The following PDE4D variants were observed in gnomAD, a reference collection of about 807,000 sequenced individuals.
The protein encoded by PDE4D is 3',5'-cyclic-AMP phosphodiesterase 4D.
In PDE4D, 24 loss-of-function variants were observed where a neutral mutation model predicts 87.4. The observed-to-expected ratio is 0.27, with a 90% CI of 0.20 to 0.39. The LOEUF (loss-of-function observed/expected upper bound fraction) is 0.39. Among genes scored for constraint, PDE4D ranks in the 10% least tolerant of loss-of-function variants. The probability of loss-of-function intolerance (pLI) is 1.00; values close to 1 mark genes in which losing one functional copy is unlikely to be tolerated. For missense variants in PDE4D, 714 were observed against 1,041.0 expected (o/e 0.69, Z 4.32); for synonymous variants, 384 against 383.2 (o/e 1.00, Z -0.02).
At chr5:59,609,378 A>ACACG (rs1828678502) in intron 1 of PDE4D, among the ~76,000 whole-genome samples, 1 of 3,466 alleles carries the variant, frequency 2.9e-4, no homozygotes, top group Admixed American at 5.4e-3. Flanking sequence ...TTGTATATGT[A>ACACG]CACACACACA....
At chr5:60,494,375 G>A (rs898866728) in intron 1 of PDE4D, among the ~76,000 whole-genome samples, 12 of 152,150 alleles carry the variant, frequency 7.9e-5, no homozygotes, top group Non-Finnish European at 1.0e-4. Context: ...GTGCCACTGA[G>A]CCTCACCACC....
chr5:59,988,536 G>A, exon 3 of PDE4D: 3 of 1,599,262 alleles, frequency 1.9e-6, no homozygotes, highest in South Asian at 2.2e-5. Context: ...AATCTTCAGG[G>A]GGAGGCTGGT....
intron 1 of PDE4D, among the ~76,000 whole-genome samples, chr5:59,311,511 A>C (rs1561933556): frequency 6.7e-6 from 1 of 149,970 alleles, no homozygotes; most frequent in Non-Finnish European, 1.5e-5. Context: ...AAAAAAAAAA[A>C]AAAAAAAAAA....
At chr5:59,409,401 G>A (rs6870927) in intron 1 of PDE4D, among the ~76,000 whole-genome samples, 26,169 of 152,042 alleles carry the variant, frequency 0.17, 3,044 homozygotes, top group African/African-American at 0.32. Context: ...GGCCAAGGGC[G>A]GAATGATACA....
intron 5 of PDE4D, among the ~76,000 whole-genome samples, chr5:59,133,603 G>T (rs889268261): frequency 6.6e-6 from 1 of 152,162 alleles, no homozygotes; most frequent in African/African-American, 2.4e-5. Flanking sequence ...GGTCCTGTTT[G>T]TGGCCTCCCC....
intron 1 of PDE4D, among the ~76,000 whole-genome samples, chr5:59,832,275 A>C (rs1397987386): frequency 6.6e-6 from 1 of 152,108 alleles, no homozygotes; most frequent in Non-Finnish European, 1.5e-5. Flanking sequence ...CTTTCGTTTG[A>C]TTCTGCCAGA....
intron 1 of PDE4D, among the ~76,000 whole-genome samples, chr5:59,353,417 T>C (rs759585014): frequency 7.2e-5 from 11 of 152,048 alleles, no homozygotes; most frequent in Non-Finnish European, 1.3e-4. Context: ...CTCCACATTG[T>C]TTTCTTGAGC....
intron 1 of PDE4D, among the ~76,000 whole-genome samples, chr5:59,744,775 T>C (rs1759363438): frequency 6.6e-6 from 1 of 152,204 alleles, no homozygotes; most frequent in Non-Finnish European, 1.5e-5. Context: ...CATTGGGTCA[T>C]AATAATAGTA....
At chr5:59,460,852 T>A (rs2153646005) in intron 1 of PDE4D, among the ~76,000 whole-genome samples, 1 of 152,292 alleles carries the variant, frequency 6.6e-6, no homozygotes, top group South Asian at 2.1e-4. Flanking sequence ...GCAAGAGGCA[T>A]GATGCAGGGT....
chr5:59,802,396 C>CTTTT (rs60356253), intron 1 of PDE4D, among the ~76,000 whole-genome samples: 13 of 110,384 alleles, frequency 1.2e-4, no homozygotes, highest in Non-Finnish European at 1.4e-4. Flanking sequence ...CTTCCATATT[C>CTTTT]TTTTTTTTTT....
intron 5 of PDE4D, among the ~76,000 whole-genome samples, chr5:59,077,591 C>G (rs77994712): frequency 0.037 from 5,675 of 151,984 alleles, 181 homozygotes; most frequent in Non-Finnish European, 0.061. Flanking sequence ...CATCAGCCCC[C>G]TGAGTAGCTG....
chr5:59,405,359 G>C (rs1355554261), intron 1 of PDE4D, among the ~76,000 whole-genome samples: 1 of 152,072 alleles, frequency 6.6e-6, no homozygotes, highest in African/African-American at 2.4e-5. Flanking sequence ...TTACATTCTT[G>C]ATTTCTTTTT....
chr5:60,019,886 A>C (rs931537784), intron 2 of PDE4D, among the ~76,000 whole-genome samples: 1 of 152,068 alleles, frequency 6.6e-6, no homozygotes, highest in Non-Finnish European at 1.5e-5. Flanking sequence ...GAACTTCAAG[A>C]ACTTTTATTT....
At chr5:59,717,378 T>C (rs550180340) in intron 1 of PDE4D, among the ~76,000 whole-genome samples, 1 of 152,192 alleles carries the variant, frequency 6.6e-6, no homozygotes, top group Non-Finnish European at 1.5e-5. Flanking sequence ...GAGCACCCCA[T>C]GTAAATTACC....
intron 2 of PDE4D, among the ~76,000 whole-genome samples, chr5:60,010,123 G>A (rs1300585027): frequency 2.0e-5 from 3 of 152,050 alleles, no homozygotes; most frequent in East Asian, 3.9e-4. Flanking sequence ...CATAAGTGGG[G>A]AGAATTCACT....
At chr5:59,271,659 T>C (rs1490369974) in intron 1 of PDE4D, among the ~76,000 whole-genome samples, 1 of 152,032 alleles carries the variant, frequency 6.6e-6, no homozygotes, top group Middle Eastern at 3.2e-3. Context: ...TTGGTCAGAG[T>C]TGCAAGAAAA....
intron 2 of PDE4D, among the ~76,000 whole-genome samples, chr5:60,055,802 T>C (rs550546248): frequency 2.0e-4 from 31 of 152,184 alleles, no homozygotes; most frequent in Non-Finnish European, 4.3e-4. Context: ...ACCACTACCA[T>C]ATCCACTCTC....
At chr5:60,408,090 A>G (rs1741722887) in intron 1 of PDE4D, among the ~76,000 whole-genome samples, 1 of 152,134 alleles carries the variant, frequency 6.6e-6, no homozygotes, top group Admixed American at 6.5e-5. Context: ...CATCCTGATC[A>G]CCAGACATGT....
At chr5:59,125,578 G>A (rs555750876) in intron 5 of PDE4D, among the ~76,000 whole-genome samples, 1 of 152,252 alleles carries the variant, frequency 6.6e-6, no homozygotes, top group South Asian at 2.1e-4. Context: ...ATTAAGGCCT[G>A]GGAAGATTCC....
Sources: allele counts gnomAD v4.1 joint callset (sites outside exome capture counted in the v4.1 genomes callset), GRCh38; gene constraint gnomAD v4.1.1; transcripts MANE v1.5; gene names NCBI Gene and HGNC (gene_info 2026-07-23, HGNC 2026-07-21).